The following NCOA3 variants were observed in gnomAD, a reference collection of about 807,000 sequenced individuals.
The protein encoded by NCOA3 is nuclear receptor coactivator 3, also known as CBP-interacting protein.
Under a neutral mutation model 158.8 loss-of-function variants are expected in NCOA3, and 51 were observed. The observed-to-expected ratio is 0.32, with a 90% CI of 0.26 to 0.41. The LOEUF is 0.41. Among genes scored for constraint, NCOA3 ranks in the 10% least tolerant of loss-of-function variants. The pLI, the probability that NCOA3 is intolerant of heterozygous loss-of-function variation, is 1.00. For synonymous variants in NCOA3, 537 were observed against 592.4 expected (o/e 0.91, Z 1.36); for missense variants, 1,510 against 1,746.6 (o/e 0.86, Z 2.41).
chr20:47,599,479 T>TA (rs2085821765), intron 2 of NCOA3, among the ~76,000 whole-genome samples: 1 of 152,152 alleles, frequency 6.6e-6, no homozygotes, highest in Admixed American at 6.5e-5. Flanking sequence ...CAGTGAGAGT[T>TA]ACACAACTCT....
chr20:47,620,737 G>A (rs2086226871), intron 2 of NCOA3, among the ~76,000 whole-genome samples: 1 of 152,136 alleles, frequency 6.6e-6, no homozygotes, highest in African/African-American at 2.4e-5. Context: ...ATCAACTTAA[G>A]TGTATTAATA....
At chr20:47,642,435 C>CGCGT (rs1487899789) in intron 17 of NCOA3, 51 bp downstream of exon 17, 4 of 1,323,334 alleles carry the variant, frequency 3.0e-6, no homozygotes, top group Non-Finnish European at 4.0e-6. Context: ...TGTGTGTGCG[C>CGCGT]GCGTACACAT....
At chr20:47,575,860 C>T (rs866989142) in intron 1 of NCOA3, among the ~76,000 whole-genome samples, 1 of 152,134 alleles carries the variant, frequency 6.6e-6, no homozygotes, top group African/African-American at 2.4e-5. Context: ...GTTAATACAG[C>T]GATTTCACTT....
At chr20:47,587,979 G>T (rs1227926168) in intron 2 of NCOA3, among the ~76,000 whole-genome samples, 1 of 151,648 alleles carries the variant, frequency 6.6e-6, no homozygotes, top group Non-Finnish European at 1.5e-5. Flanking sequence ...TTTCAGAATT[G>T]GTTTTTTCAT....
chr20:47,582,628 A>G (rs752178041), intron 1 of NCOA3, among the ~76,000 whole-genome samples: 2 of 152,024 alleles, frequency 1.3e-5, no homozygotes, highest in African/African-American at 4.8e-5. Context: ...CAGCCTTTCA[A>G]AGTTCTGGGA....
At chr20:47,524,838 T>C (rs532372500) in intron 1 of NCOA3, among the ~76,000 whole-genome samples, 8 of 152,130 alleles carry the variant, frequency 5.3e-5, no homozygotes, top group Non-Finnish European at 1.0e-4. Flanking sequence ...TGCCTCATTC[T>C]CCTGCTGCAG....
intron 2 of NCOA3, among the ~76,000 whole-genome samples, chr20:47,585,046 CTTTTTTT>C (rs11473989): frequency 2.2e-5 from 2 of 91,318 alleles, no homozygotes; most frequent in African/African-American, 5.1e-5. Context: ...CCTTTCTTAA[CTTTTTTT>C]TTTTTTTTTT....
intron 1 of NCOA3, among the ~76,000 whole-genome samples, chr20:47,534,125 AAG>A (rs1319498691): frequency 6.6e-6 from 1 of 151,482 alleles, no homozygotes; most frequent in Non-Finnish European, 1.5e-5. Context: ...GCGGGGGGTG[AAG>A]AGGGAAGAGA....
chr20:47,598,423 C>T (rs6012222), intron 2 of NCOA3, among the ~76,000 whole-genome samples: 19 of 152,118 alleles, frequency 1.2e-4, no homozygotes, highest in African/African-American at 4.3e-4. Flanking sequence ...GCAACCTCCA[C>T]CTCCTGGGTT....
intron 2 of NCOA3, among the ~76,000 whole-genome samples, chr20:47,611,418 T>C (rs2086040672): frequency 1.3e-5 from 2 of 152,174 alleles, no homozygotes; most frequent in Non-Finnish European, 2.9e-5. Context: ...AGTACTACTT[T>C]TGATGTAGAG....
chr20:47,611,299 T>G (rs1361796456), intron 2 of NCOA3, among the ~76,000 whole-genome samples: 1 of 152,202 alleles, frequency 6.6e-6, no homozygotes, highest in Non-Finnish European at 1.5e-5. Flanking sequence ...CTTTATCCAG[T>G]TCTTTCTCAC....
chr20:47,511,550 T>TATATATATATATACATAC lies in NCOA3; in HGVS notation c.-99+9537_-99+9538insATATATACATACATATAT. On this transcript the variant is annotated intron_variant, in intron 1 of 22. Coordinates refer to ENST00000371998, the MANE Select transcript of NCOA3 (RefSeq NM_181659.3). ...ATATATATATATATATATATATATA[T>TATATATATATATACATAC]ATATATTTCTTTTTTTTTTTGAGAC... is the stretch of plus-strand genomic sequence containing the variant. 2.9e-4 allele frequency among the ~76,000 whole-genome samples: 15 copies of TATATATATATATACATAC among 52,238 alleles called. 1 individual carries two copies. The highest frequency in any genetic ancestry group is 5.6e-4 in the Non-Finnish European group (14 of 25,074). The allele number at this position is 52,238 out of a possible 152,430, so 34.3% of individuals were successfully genotyped here.
Position 47,651,283 on chromosome 20 carries a change from C to A in NCOA3, c.3946+7C>A. On this transcript the variant is annotated splice_region_variant and intron_variant, in intron 20 of 22. Coordinates refer to ENST00000371998, the MANE Select transcript of NCOA3 (RefSeq NM_181659.3). ...CCATATCAACCAAATTATGGTAAAT[C>A]TGACAATGAAAATGTGCCTTCCCCA... 1.9e-6 allele frequency: 3 copies of A among 1,593,904 alleles called. No homozygotes were observed. Among genetic ancestry groups the A allele is most frequent in the Non-Finnish European group, 2.6e-6 (3 of 1,165,918 alleles).
At chr20:47,544,487 G>A (rs956118495) in intron 1 of NCOA3, among the ~76,000 whole-genome samples, 1 of 151,020 alleles carries the variant, frequency 6.6e-6, no homozygotes, top group African/African-American at 2.4e-5. Context: ...ATTGTTGTGG[G>A]TATTTAAAAA....
intron 5 of NCOA3, among the ~76,000 whole-genome samples, chr20:47,625,893 C>G (rs988430678): frequency 6.6e-6 from 1 of 152,138 alleles, no homozygotes; most frequent in Non-Finnish European, 1.5e-5. Context: ...AGTGTGATGA[C>G]TATATAGCAC....
chr20:47,634,927 T>C (rs1206715988), intron 10 of NCOA3, among the ~76,000 whole-genome samples: 2 of 149,450 alleles, frequency 1.3e-5, no homozygotes, highest in African/African-American at 4.9e-5. Flanking sequence ...CTTCTTTTTT[T>C]TTTTTTTTTT....
rs1345876740 is a variant in NCOA3, at chr20:47,652,417, C to T, written c.3958C>T (p.Gln1320Ter). ...PYQPNYGMGQ[Q>*]PDPAFGRVSS... ...TTTATTTTTGTAAGGAATGGGACAA[C>T]AACCAGATCCAGCCTTTGGTCGAGT... The change falls in exon 21 of 23, where the codon CAA becomes TAA. Residue 1320 changes from glutamine (Q) to a stop codon, truncating the protein, a stop_gained. Transcript: ENST00000371998. LOFTEE classifies it high-confidence loss of function. 2 of 1,600,746 alleles carry T rather than the reference C, an allele frequency of 1.2e-6. No individual in the cohort carries two copies.
chr20:47,515,958 T>G (rs543189368), intron 1 of NCOA3, among the ~76,000 whole-genome samples: 1 of 152,318 alleles, frequency 6.6e-6, no homozygotes, highest in East Asian at 1.9e-4. Context: ...TACTGTGTGA[T>G]TCTAACTATG....
At chr20:47,637,604 G>C in intron 12 of NCOA3, 44 bp from the exon 13 acceptor site, 1 of 1,496,988 alleles carries the variant, frequency 6.7e-7, no homozygotes, top group Non-Finnish European at 9.0e-7. Flanking sequence ...ATACCTGTGT[G>C]TCTGGTAATG....
Sources: allele counts gnomAD v4.1 joint callset (sites outside exome capture counted in the v4.1 genomes callset), GRCh38; gene constraint gnomAD v4.1.1; transcripts MANE v1.5; gene names NCBI Gene and HGNC (gene_info 2026-07-23, HGNC 2026-07-21).